The following SND1 variants were observed in gnomAD, a reference collection of about 807,000 sequenced individuals.
SND1 encodes the protein staphylococcal nuclease domain-containing protein 1.
In SND1, 38 loss-of-function variants were observed where a neutral mutation model predicts 121.7. The ratio of observed to expected loss-of-function variants is 0.31; its 90% CI spans 0.24 to 0.41. The LOEUF is 0.41. Ranked by LOEUF, SND1 falls within the 10% of genes least tolerant of loss-of-function variation. The pLI is 1.00. For missense variants in SND1, 868 were observed against 1,184.6 expected, an observed-to-expected ratio of 0.73 and a Z score of 3.92; for synonymous variants, 401 against 447.4, an observed-to-expected ratio of 0.90 and a Z score of 1.31.
At chr7:128,061,537 T>C (rs1793231051) in intron 16 of SND1, among the ~76,000 whole-genome samples, 1 of 152,210 alleles carries the variant, frequency 6.6e-6, no homozygotes, top group Non-Finnish European at 1.5e-5. Flanking sequence ...CATTGTGACC[T>C]ATACGTTTCT....
At chr7:127,985,062 C>G (rs999609891) in intron 15 of SND1, among the ~76,000 whole-genome samples, 3 of 152,234 alleles carry the variant, frequency 2.0e-5, no homozygotes, top group Non-Finnish European at 4.4e-5. Flanking sequence ...CCTGACTGCA[C>G]ATTTGCTACC....
chr7:127,655,032 A>G (rs1189450906), intron 1 of SND1, among the ~76,000 whole-genome samples: 3 of 152,242 alleles, frequency 2.0e-5, no homozygotes, highest in Non-Finnish European at 1.5e-5. Flanking sequence ...AGTTTGATGA[A>G]TAGGAAAACA....
intron 16 of SND1, among the ~76,000 whole-genome samples, chr7:128,031,855 G>C (rs1792623931): frequency 1.3e-5 from 2 of 150,262 alleles, no homozygotes; most frequent in South Asian, 4.2e-4. Context: ...TCGCGGCTTC[G>C]GCTCCCGGCG....
intron 16 of SND1, among the ~76,000 whole-genome samples, 177 bp from the exon 17 acceptor site, chr7:128,074,325 G>T (rs1303591900): frequency 6.6e-6 from 1 of 152,208 alleles, no homozygotes; most frequent in Non-Finnish European, 1.5e-5. Flanking sequence ...CGAGTTTTGG[G>T]GTGTGTCTGT....
chr7:127,875,136 A>G (rs1799665783), intron 12 of SND1, among the ~76,000 whole-genome samples: 1 of 152,094 alleles, frequency 6.6e-6, no homozygotes, highest in African/African-American at 2.4e-5. Context: ...GTTTCTCTCT[A>G]TGGAGTCTTT....
At chr7:127,849,902 G>A (rs1365922294) in intron 12 of SND1, among the ~76,000 whole-genome samples, 3 of 152,144 alleles carry the variant, frequency 2.0e-5, no homozygotes, top group Non-Finnish European at 4.4e-5. Flanking sequence ...TTCTGTGGGG[G>A]CTCGGGACAT....
chr7:127,664,528 A>G (rs1279216445), intron 1 of SND1, among the ~76,000 whole-genome samples: 2 of 152,108 alleles, frequency 1.3e-5, no homozygotes, highest in Non-Finnish European at 2.9e-5. Flanking sequence ...CCCATATATT[A>G]CCTTATGTAT....
chr7:127,782,043 G>A (rs1215764185), intron 10 of SND1, among the ~76,000 whole-genome samples: 1 of 152,182 alleles, frequency 6.6e-6, no homozygotes, highest in African/African-American at 2.4e-5. Flanking sequence ...TGTAATATCT[G>A]ATCCTAGTTA....
chr7:127,713,480 G>A (rs1796331715), intron 9 of SND1, among the ~76,000 whole-genome samples: 1 of 152,216 alleles, frequency 6.6e-6, no homozygotes, highest in African/African-American at 2.4e-5. Context: ...TGAAAGTCCT[G>A]CAAGTCTTCC....
At chr7:127,705,938 A>G (rs759843) in intron 8 of SND1, among the ~76,000 whole-genome samples, 50,170 of 152,084 alleles carry the variant, frequency 0.33, 9,229 homozygotes, top group Admixed American at 0.42. Flanking sequence ...GGTCTTTTTC[A>G]TCCTTGAGTA....
At chr7:128,018,682 G>A (rs1395082160) in intron 16 of SND1, among the ~76,000 whole-genome samples, 7 of 152,196 alleles carry the variant, frequency 4.6e-5, no homozygotes, top group Admixed American at 4.6e-4. Flanking sequence ...TGGCAAGGCA[G>A]CCTCTGGAAG....
intron 15 of SND1, among the ~76,000 whole-genome samples, chr7:127,935,681 A>C (rs1428804360): frequency 6.6e-6 from 1 of 152,152 alleles, no homozygotes; most frequent in Non-Finnish European, 1.5e-5. Flanking sequence ...TAGGCATGCT[A>C]TTCATGTTGT....
intron 11 of SND1, among the ~76,000 whole-genome samples, chr7:127,818,851 G>T (rs934066090): frequency 1.3e-5 from 2 of 152,214 alleles, no homozygotes; most frequent in South Asian, 2.1e-4. Context: ...AAGAAAGGAA[G>T]GGAGAAAGTC....
At chr7:127,819,520 G>A (rs935863058) in intron 11 of SND1, among the ~76,000 whole-genome samples, 2 of 152,178 alleles carry the variant, frequency 1.3e-5, no homozygotes, top group Non-Finnish European at 2.9e-5. Context: ...TCCTAGTATT[G>A]ACTCTGAGGA....
intron 14 of SND1, among the ~76,000 whole-genome samples, chr7:127,906,386 G>C (rs893670103): frequency 5.3e-5 from 8 of 152,038 alleles, no homozygotes; most frequent in African/African-American, 1.9e-4. Flanking sequence ...GTTATTCTTT[G>C]CATATATATT....
At chr7:128,091,744 G>T (rs1793784175) in intron 22 of SND1, 93 bp from the exon 23 acceptor site, 1 of 1,322,478 alleles carries the variant, frequency 7.6e-7, no homozygotes, top group Admixed American at 1.7e-5. Flanking sequence ...GCAAGGGAGA[G>T]CTCTGGCGCT....
chr7:127,790,562 T>C (rs1797888963), intron 10 of SND1, among the ~76,000 whole-genome samples: 1 of 152,218 alleles, frequency 6.6e-6, no homozygotes, highest in Non-Finnish European at 1.5e-5. Flanking sequence ...AGCCTCTTTT[T>C]CTTCATAAGT....
At chr7:127,845,420 A>G (rs1274699073) in intron 12 of SND1, among the ~76,000 whole-genome samples, 2 of 152,254 alleles carry the variant, frequency 1.3e-5, no homozygotes, top group Non-Finnish European at 1.5e-5. Flanking sequence ...CTTTGCCAGG[A>G]GGCGCTCAGT....
At chr7:127,961,786 T>G (rs1486848658) in intron 15 of SND1, among the ~76,000 whole-genome samples, 9 of 152,202 alleles carry the variant, frequency 5.9e-5, no homozygotes, top group African/African-American at 2.2e-4. Flanking sequence ...AATGCCAGTG[T>G]CCACTCCCTC....
Sources: allele counts gnomAD v4.1 joint callset (sites outside exome capture counted in the v4.1 genomes callset), GRCh38; gene constraint gnomAD v4.1.1; transcripts MANE v1.5; gene names NCBI Gene and HGNC (gene_info 2026-07-23, HGNC 2026-07-21).